Variants in GREB1L observed in about 807,000 individuals in gnomAD.
GREB1L encodes GREB1 like retinoic acid receptor coactivator.
In GREB1L, 17 loss-of-function variants were observed where a neutral mutation model predicts 200.8. The observed-to-expected ratio is 0.08, with a 90% CI of 0.06 to 0.13. The LOEUF (loss-of-function observed/expected upper bound fraction) is 0.13, where lower values mean the gene tolerates loss of function less well. GREB1L is among the 10% of genes least tolerant of loss of function. The probability of loss-of-function intolerance (pLI) is 1.00; values close to 1 mark genes in which losing one functional copy is unlikely to be tolerated. For missense variants in GREB1L, 1,657 were observed against 2,367.7 expected (o/e 0.70, Z 6.23); for synonymous variants, 789 against 893.0 (o/e 0.88, Z 2.08).
Position 21,525,660 on chromosome 18 carries a change from G to GTGTT in GREB1L, c.*2844_*2847dup, listed in dbSNP as rs532821199. Reference sequence around the variant, plus strand: ...TTTGGGTTGCTAAAACTAATACAAGGTGTTTGTTATTGTTAATCTCCAGTT... The same window carrying GTGTT: ...TTTGGGTTGCTAAAACTAATACAAGGTGTTTGTTTGTTATTGTTAATCTCCAGTT... On this transcript the variant is annotated 3_prime_UTR_variant, in exon 33 of 33. Coordinates refer to ENST00000424526, the MANE Select transcript of GREB1L (RefSeq NM_001142966.3). Among the ~76,000 whole-genome samples, 154 of 152,278 alleles carry GTGTT rather than the reference G, an allele frequency of 1.0e-3. 2 individuals are homozygous for GTGTT. In the South Asian group the frequency reaches 0.022, roughly 21 times the overall value.
intron 7 of GREB1L, among the ~76,000 whole-genome samples, chr18:21,415,030 C>T (rs2031488336): frequency 6.6e-6 from 1 of 152,060 alleles, no homozygotes; most frequent in Non-Finnish European, 1.5e-5. Flanking sequence ...ACCCAGCAGA[C>T]TCCTTAAGTC....
intron 17 of GREB1L, among the ~76,000 whole-genome samples, chr18:21,481,463 G>A (rs1172591464): frequency 1.5e-4 from 21 of 139,484 alleles, no homozygotes; most frequent in African/African-American, 5.6e-4. Flanking sequence ...GTGTGTGTGT[G>A]TGTGTGTGTG....
At position 21,482,642 on chromosome 18, in the gene GREB1L, A is replaced by ATTTT. The variant is rs35313539; in HGVS notation, c.2557-2958_2557-2955dup. On this transcript the variant is annotated intron_variant, in intron 17 of 32. Transcript: ENST00000424526. ...GAGCACACCATTGTGTAGATTACAG[A>ATTTT]TTTTTTTTTTTTTTTTTTTTTTTAC... is the stretch of plus-strand genomic sequence containing the variant. Among the ~76,000 whole-genome samples the ATTTT allele has an allele frequency of 4.3e-3, 502 of 118,070 alleles. 1 individual carries two copies. Among genetic ancestry groups the ATTTT allele is most frequent in the East Asian group, 7.3e-3 (29 of 3,954 alleles). The allele number at this position is 118,070 out of a possible 152,430, so 77.5% of individuals were successfully genotyped here. A position where few individuals can be genotyped will look rare whatever the true frequency, so the allele number is the denominator to read the frequency against.
At chr18:21,369,901 A>G (rs188144441) in intron 2 of GREB1L, among the ~76,000 whole-genome samples, 95 of 150,954 alleles carry the variant, frequency 6.3e-4, no homozygotes, top group African/African-American at 2.1e-3. Context: ...GTGAGCCACA[A>G]TCGCACCACC....
chr18:21,268,590 T>C (rs1425527782), intron 1 of GREB1L, among the ~76,000 whole-genome samples: 4 of 134,212 alleles, frequency 3.0e-5, no homozygotes, highest in South Asian at 4.7e-4. Context: ...TATATATATA[T>C]ATACATGTAT....
At chr18:21,319,883 T>A (rs1415792676) in intron 1 of GREB1L, among the ~76,000 whole-genome samples, 1 of 152,182 alleles carries the variant, frequency 6.6e-6, no homozygotes, top group Admixed American at 6.6e-5. Context: ...CAGAGCTGGT[T>A]TGGCCTAAAG....
chr18:21,403,706 T>C (rs1598768502), intron 6 of GREB1L, among the ~76,000 whole-genome samples, 166 bp from the exon 7 acceptor site: 1 of 152,258 alleles, frequency 6.6e-6, no homozygotes, highest in Non-Finnish European at 1.5e-5. Flanking sequence ...TGTTCACTAG[T>C]TGAAACATTC....
At chr18:21,350,596 T>C (rs943747478) in intron 1 of GREB1L, among the ~76,000 whole-genome samples, 2 of 152,142 alleles carry the variant, frequency 1.3e-5, no homozygotes, top group Non-Finnish European at 2.9e-5. Context: ...TGAGTTGGCA[T>C]ATTGAGTTTG....
rs1407326630 is a variant in GREB1L, at chr18:21,403,890, C to T, written c.728C>T (p.Ser243Phe). 5.8e-6 allele frequency: 9 copies of T among 1,551,112 alleles called. No individual in the cohort carries two copies. The highest frequency in any genetic ancestry group is 1.7e-4 in the Middle Eastern group (1 of 5,992). ...ICWKECRSRQ[S>F]SASCHSIKPS... ...TTTCCAGAATGTAGAAGCCGACAATCCTCTGCTTCTTGCCACTCTATTAAG... is the reference window on the plus strand; with the variant it reads ...TTTCCAGAATGTAGAAGCCGACAATTCTCTGCTTCTTGCCACTCTATTAAG... The change falls in exon 7 of 33, where the codon TCC becomes TTC. Residue 243 changes from serine to phenylalanine, a missense_variant. Ser to Phe is a radical substitution (Grantham distance 155). Around this residue, in one of 9 missense-constraint regions of GREB1L, gnomAD observed 289 missense variants for 345.1 expected, o/e 0.84. Coordinates refer to ENST00000424526, the MANE Select transcript of GREB1L (RefSeq NM_001142966.3).
At chr18:21,351,544 G>A (rs1241543583) in intron 1 of GREB1L, among the ~76,000 whole-genome samples, 1 of 151,640 alleles carries the variant, frequency 6.6e-6, no homozygotes, top group Non-Finnish European at 1.5e-5. Context: ...CTGCACTCCA[G>A]CTTGGGGAAC....
intron 10 of GREB1L, among the ~76,000 whole-genome samples, chr18:21,442,334 TG>T (rs1254622041): frequency 3.3e-5 from 5 of 152,224 alleles, no homozygotes; most frequent in Admixed American, 3.3e-4. Context: ...CAGTGTTATT[TG>T]CTTTTTGGGT....
At chr18:21,488,730 C>T (rs893979143) in intron 18 of GREB1L, among the ~76,000 whole-genome samples, 1 of 152,170 alleles carries the variant, frequency 6.6e-6, no homozygotes, top group Non-Finnish European at 1.5e-5. Flanking sequence ...GATCTCGGCT[C>T]ACTGTAACCT....
intron 7 of GREB1L, among the ~76,000 whole-genome samples, chr18:21,413,928 G>T (rs1304713960): frequency 6.6e-6 from 1 of 152,194 alleles, no homozygotes; most frequent in Non-Finnish European, 1.5e-5. Context: ...GTGTTAAAAT[G>T]CAGTGCTGGT....
At chr18:21,363,964 G>A (rs1469699907) in intron 1 of GREB1L, 3 of 152,174 alleles carry the variant, frequency 2.0e-5, no homozygotes, top group African/African-American at 7.2e-5. Context: ...AATATATTAT[G>A]TGAGGATTTT....
intron 7 of GREB1L, among the ~76,000 whole-genome samples, chr18:21,417,518 A>G (rs1188362477): frequency 6.6e-6 from 1 of 152,062 alleles, no homozygotes; most frequent in Non-Finnish European, 1.5e-5. Context: ...CATCTCAAAA[A>G]CAAACAAACA....
intron 7 of GREB1L, among the ~76,000 whole-genome samples, chr18:21,418,507 A>C (rs1232893773): frequency 2.0e-5 from 3 of 151,762 alleles, no homozygotes; most frequent in East Asian, 3.9e-4. Flanking sequence ...ATTGTTTTTT[A>C]AAAAAATATT....
At chr18:21,521,681 A>G (rs2146134244) in intron 32 of GREB1L, among the ~76,000 whole-genome samples, 1 of 152,182 alleles carries the variant, frequency 6.6e-6, no homozygotes, top group East Asian at 1.9e-4. Context: ...CCAAGACTGC[A>G]GGATGTTTAG....
chr18:21,279,398 T>G (rs2038228720), intron 1 of GREB1L, among the ~76,000 whole-genome samples: 1 of 152,210 alleles, frequency 6.6e-6, no homozygotes. Flanking sequence ...CTGGATACTT[T>G]AAATGAGATC....
intron 2 of GREB1L, among the ~76,000 whole-genome samples, chr18:21,367,150 AG>A (rs2039707682): frequency 6.6e-6 from 1 of 152,184 alleles, no homozygotes; most frequent in East Asian, 1.9e-4. Context: ...TTTGTTACTT[AG>A]TAAAAGGAGC....
Sources: allele counts gnomAD v4.1 joint callset (sites outside exome capture counted in the v4.1 genomes callset), GRCh38; gene constraint gnomAD v4.1.1; regional missense constraint gnomAD v4.1.1; transcripts MANE v1.5; gene names NCBI Gene and HGNC (gene_info 2026-07-23, HGNC 2026-07-21).